The following KCNIP1 variants were observed in gnomAD, a reference collection of about 807,000 sequenced individuals.
The protein encoded by KCNIP1 is A-type potassium channel modulatory protein KCNIP1.
In KCNIP1, 18 loss-of-function variants were observed where a neutral mutation model predicts 33.0. The ratio of observed to expected loss-of-function variants is 0.55; its 90% CI spans 0.38 to 0.81. KCNIP1 has a LOEUF of 0.81. Among genes scored for constraint, KCNIP1 ranks in the 30% least tolerant of loss-of-function variants. KCNIP1 has a pLI of 0.00. For missense variants in KCNIP1, 238 were observed against 271.6 expected, an observed-to-expected ratio of 0.88 and a Z score of 0.87; for synonymous variants, 93 against 98.3, an observed-to-expected ratio of 0.95 and a Z score of 0.32.
chr5:170,432,083 CAT>C (rs573544030), intron 1 of KCNIP1, among the ~76,000 whole-genome samples: 163 of 147,614 alleles, frequency 1.1e-3, no homozygotes, highest in African/African-American at 3.5e-3. Context: ...CTGAGGTTTT[CAT>C]ATAAAAAAGC....
chr5:170,633,535 G>A (rs868779259), intron 1 of KCNIP1, among the ~76,000 whole-genome samples: 49 of 150,002 alleles, frequency 3.3e-4, no homozygotes, highest in African/African-American at 1.2e-3. Flanking sequence ...GAAACGCAGA[G>A]GCTTTCCAGG....
chr5:170,535,309 C>T (rs12716257), intron 1 of KCNIP1, among the ~76,000 whole-genome samples: 24,253 of 152,120 alleles, frequency 0.16, 2,016 homozygotes, highest in Middle Eastern at 0.24. Context: ...AAGCGGGGTG[C>T]CCTTGGGTGA....
At chr5:170,514,542 A>G (rs541965203) in intron 1 of KCNIP1, among the ~76,000 whole-genome samples, 2 of 152,060 alleles carry the variant, frequency 1.3e-5, no homozygotes, top group South Asian at 4.2e-4. Context: ...GCCCTGCCTC[A>G]CCCCACCAAG....
intron 1 of KCNIP1, among the ~76,000 whole-genome samples, chr5:170,395,674 A>T (rs999613493): frequency 1.3e-5 from 2 of 152,212 alleles, no homozygotes; most frequent in African/African-American, 4.8e-5. Flanking sequence ...GAAGTGGGAG[A>T]TGGTGACAGG....
At chr5:170,572,373 G>C (rs1020538808) in intron 1 of KCNIP1, among the ~76,000 whole-genome samples, 1 of 152,152 alleles carries the variant, frequency 6.6e-6, no homozygotes, top group Non-Finnish European at 1.5e-5. Flanking sequence ...GATGGACCCC[G>C]GTGGGACCTC....
intron 1 of KCNIP1, among the ~76,000 whole-genome samples, chr5:170,452,739 A>G (rs374581529): frequency 6.6e-5 from 10 of 152,234 alleles, no homozygotes; most frequent in African/African-American, 2.4e-4. Context: ...ACTCTCTGTC[A>G]GTTATTTGTC....
chr5:170,553,862 G>A (rs1204094481), intron 1 of KCNIP1, among the ~76,000 whole-genome samples: 3 of 152,244 alleles, frequency 2.0e-5, no homozygotes, highest in African/African-American at 4.8e-5. Flanking sequence ...GGATAGATGT[G>A]TGTGGACCCG....
intron 1 of KCNIP1, among the ~76,000 whole-genome samples, chr5:170,435,668 C>T (rs1221075076): frequency 6.6e-6 from 1 of 152,224 alleles, no homozygotes; most frequent in Non-Finnish European, 1.5e-5. Context: ...CAAGCCTTCA[C>T]TGACCCTTGG....
In KCNIP1 at chr5:170,720,504, C is replaced by T. The variant is rs1402421402; in HGVS notation, c.256+114C>T. 8.5e-6 allele frequency: 7 copies of T among 824,386 alleles called. No homozygotes were observed. In the Admixed American group the frequency reaches 1.4e-4, roughly 16 times the overall value. The allele number at this position is 824,386 out of a possible 1,614,324, so 51.1% of individuals were successfully genotyped here. On this transcript the variant is annotated intron_variant, in intron 3 of 7. Transcript: ENST00000328939. ...GCTTCCTTCTCGAGGAAGAGACAAA[C>T]TCAGGGCAGGACACCTCCCTCATCG...
At chr5:170,680,295 G>A (rs985544818) in intron 1 of KCNIP1, among the ~76,000 whole-genome samples, 14 of 152,110 alleles carry the variant, frequency 9.2e-5, no homozygotes, top group Non-Finnish European at 1.9e-4. Flanking sequence ...TCCAGTGTAC[G>A]AAGAAGGGAA....
chr5:170,482,421 A>G (rs1756997513), intron 1 of KCNIP1, among the ~76,000 whole-genome samples: 1 of 152,226 alleles, frequency 6.6e-6, no homozygotes, highest in East Asian at 1.9e-4. Flanking sequence ...CAGGCACAGT[A>G]CGGGGCCTTT....
At chr5:170,584,045 C>T (rs1050692018) in intron 1 of KCNIP1, among the ~76,000 whole-genome samples, 10 of 152,206 alleles carry the variant, frequency 6.6e-5, no homozygotes, top group Non-Finnish European at 1.3e-4. Context: ...GAACCCCCAT[C>T]TGTCTGACTC....
In KCNIP1 at chr5:170,557,158, C is replaced by G. The variant is rs534624912; in HGVS notation, c.61+52525C>G. On this transcript the variant is annotated intron_variant, in intron 1 of 7. Coordinates refer to ENST00000328939, the MANE Select transcript of KCNIP1 (RefSeq NM_014592.4). ...GCAAAGTGACCCAACACCCCTGGGC[C>G]TCTCTTCTCAGCTGCAATACAGGGC... is the stretch of plus-strand genomic sequence containing the variant. 1.1e-4 allele frequency among the ~76,000 whole-genome samples: 17 copies of G among 152,298 alleles called. No individual in the cohort carries two copies. The East Asian group carries it at 2.5e-3, about 22-fold the overall frequency.
chr5:170,644,737 G>GC (rs1760717423), intron 1 of KCNIP1, among the ~76,000 whole-genome samples: 1 of 152,206 alleles, frequency 6.6e-6, no homozygotes, highest in African/African-American at 2.4e-5. Flanking sequence ...GCTCTGTAAG[G>GC]CCCCCAGAAT....
At chr5:170,687,212 T>G (rs1762567807) in intron 1 of KCNIP1, among the ~76,000 whole-genome samples, 1 of 152,012 alleles carries the variant, frequency 6.6e-6, no homozygotes, top group African/African-American at 2.4e-5. Context: ...GATGGAGTCT[T>G]GCTCTGTTGC....
intron 1 of KCNIP1, among the ~76,000 whole-genome samples, chr5:170,625,020 A>G (rs115358362): frequency 0.015 from 2,319 of 152,058 alleles, 47 homozygotes; most frequent in African/African-American, 0.052. Context: ...CTTCCAGTCT[A>G]TTGCAGATGG....
At chr5:170,723,126 C>A (rs1368445328) in intron 5 of KCNIP1, among the ~76,000 whole-genome samples, 4 of 152,106 alleles carry the variant, frequency 2.6e-5, no homozygotes, top group Non-Finnish European at 4.4e-5. Flanking sequence ...AGGGAACCTG[C>A]ATTTGGGAAG....
At chr5:170,447,463 T>C (rs1756149261) in intron 1 of KCNIP1, among the ~76,000 whole-genome samples, 2 of 152,162 alleles carry the variant, frequency 1.3e-5, no homozygotes, top group African/African-American at 4.8e-5. Flanking sequence ...CAAACCCTTC[T>C]GCCCTAGAGT....
chr5:170,665,300 T>C (rs2113757393), intron 1 of KCNIP1, among the ~76,000 whole-genome samples: 1 of 152,250 alleles, frequency 6.6e-6, no homozygotes, highest in Middle Eastern at 3.4e-3. Context: ...CCCCTTCCAG[T>C]CCAGCAGACA....
Sources: allele counts gnomAD v4.1 joint callset (sites outside exome capture counted in the v4.1 genomes callset), GRCh38; gene constraint gnomAD v4.1.1; transcripts MANE v1.5; gene names NCBI Gene and HGNC (gene_info 2026-07-23, HGNC 2026-07-21).